ULK4: variants seen among roughly 807,000 people sequenced by gnomAD.
ULK4 encodes inactive serine/threonine-protein kinase ULK4.
In ULK4, 133 loss-of-function variants were observed where a neutral mutation model predicts 160.6. The ratio of observed to expected loss-of-function variants is 0.83; its 90% CI spans 0.72 to 0.96. The LOEUF is 0.96. ULK4 is among the 40% of genes least tolerant of loss of function. ULK4 has a pLI of 0.00. For missense variants in ULK4, 1,580 were observed against 1,499.5 expected, an observed-to-expected ratio of 1.05 and a Z score of -0.89; for synonymous variants, 534 against 539.8, an observed-to-expected ratio of 0.99 and a Z score of 0.15.
intron 25 of ULK4, among the ~76,000 whole-genome samples, chr3:41,712,156 T>A (rs4616614): frequency 6.6e-6 from 1 of 151,984 alleles, no homozygotes; most frequent in African/African-American, 2.4e-5. Context: ...TATTTATGCC[T>A]CCATATATAA....
At chr3:41,385,538 T>C (rs751121695) in intron 35 of ULK4, among the ~76,000 whole-genome samples, 10 of 151,936 alleles carry the variant, frequency 6.6e-5, no homozygotes, top group Admixed American at 2.0e-4. Flanking sequence ...TCTCTAAAAT[T>C]AAAAAGAAAA....
At position 41,884,637 on chromosome 3, in the gene ULK4, G is replaced by A. The variant is rs559212892; in HGVS notation, c.1578-685C>T. On this transcript the variant is annotated intron_variant, in intron 16 of 36. Coordinates refer to ENST00000301831, the MANE Select transcript of ULK4 (RefSeq NM_017886.4). ...CACTCTTATTTAGTGATGTCTGCAT[G>A]TTGTCTAGGATAATCAGTATGTACC... Among the ~76,000 whole-genome samples the A allele has an allele frequency of 2.0e-5, 3 of 152,260 alleles. No individual in the cohort carries two copies. In the South Asian group the frequency reaches 6.2e-4, roughly 32 times the overall value.
At chr3:41,918,665 A>G (rs1044755509) in intron 6 of ULK4, 125 bp from the exon 7 acceptor site, 68 of 485,034 alleles carry the variant, frequency 1.4e-4, no homozygotes, top group South Asian at 8.4e-4. Flanking sequence ...GCAGTGGCGC[A>G]ATCTCGGCTC....
intron 35 of ULK4, among the ~76,000 whole-genome samples, chr3:41,296,287 T>G (rs866088642): frequency 6.6e-6 from 1 of 152,134 alleles, no homozygotes; most frequent in South Asian, 2.1e-4. Context: ...AAATTAAGTT[T>G]CTAATTAAAA....
chr3:41,767,571 A>G (rs59583650), intron 21 of ULK4, among the ~76,000 whole-genome samples: 18,835 of 152,112 alleles, frequency 0.12, 1,346 homozygotes, highest in Middle Eastern at 0.27. Flanking sequence ...TATATTACAA[A>G]TTAATATGTA....
At position 41,645,005 on chromosome 3, in the gene ULK4, T is replaced by C. The variant is rs371720509; in HGVS notation, c.3071+18602A>G. Among the ~76,000 whole-genome samples, 8 of 151,552 alleles carry C rather than the reference T, an allele frequency of 5.3e-5. No homozygotes were observed. In the East Asian group the frequency reaches 1.3e-3, roughly 26 times the overall value. ...TAGAGGTGTTTGTAGTATTCTCTGA[T>C]GGTAGTTTGTATTTCTGTGGGATCG... is the stretch of plus-strand genomic sequence containing the variant. On this transcript the variant is annotated intron_variant, in intron 30 of 36. Coordinates refer to ENST00000301831, the MANE Select transcript of ULK4 (RefSeq NM_017886.4).
intron 19 of ULK4, among the ~76,000 whole-genome samples, chr3:41,801,462 A>T (rs549183240): frequency 6.6e-6 from 1 of 152,230 alleles, no homozygotes; most frequent in African/African-American, 2.4e-5. Flanking sequence ...CAGGTCTCAG[A>T]AGCTCAATGA....
chr3:41,365,585 A>G (rs1016185769), intron 35 of ULK4, among the ~76,000 whole-genome samples: 1 of 152,198 alleles, frequency 6.6e-6, no homozygotes, highest in Non-Finnish European at 1.5e-5. Context: ...TAATCCTCAT[A>G]ACAATTTTAT....
At chr3:41,484,816 A>G (rs1320088334) in intron 32 of ULK4, among the ~76,000 whole-genome samples, 2 of 152,188 alleles carry the variant, frequency 1.3e-5, no homozygotes, top group African/African-American at 4.8e-5. Context: ...ACCACGTGAT[A>G]TCTGAGGTTT....
chr3:41,809,374 G>T (rs1162413119), intron 19 of ULK4, among the ~76,000 whole-genome samples: 2 of 130,710 alleles, frequency 1.5e-5, no homozygotes, highest in African/African-American at 3.9e-5. Flanking sequence ...AATAAAATAT[G>T]TTAAAAAAAA....
intron 18 of ULK4, among the ~76,000 whole-genome samples, chr3:41,823,251 T>C (rs909375172): frequency 1.3e-5 from 2 of 151,898 alleles, no homozygotes; most frequent in Admixed American, 6.6e-5. Context: ...AATGTCAATA[T>C]AGTGAGGCAG....
chr3:41,563,963 C>T (rs1224850853), intron 32 of ULK4, among the ~76,000 whole-genome samples: 2 of 152,162 alleles, frequency 1.3e-5, no homozygotes, highest in Non-Finnish European at 2.9e-5. Flanking sequence ...GAATTTTCAG[C>T]TTTTCTGCTC....
intron 25 of ULK4, among the ~76,000 whole-genome samples, chr3:41,706,980 T>C (rs1312976606): frequency 1.3e-5 from 2 of 149,912 alleles, no homozygotes; most frequent in African/African-American, 2.5e-5. Context: ...AGAAAACCCT[T>C]AAACCCACTA....
At chr3:41,267,188 G>A (rs902039446) in intron 35 of ULK4, among the ~76,000 whole-genome samples, 1 of 151,914 alleles carries the variant, frequency 6.6e-6, no homozygotes, top group African/African-American at 2.4e-5. Context: ...AACAGGCCCT[G>A]GTGTGTGATG....
intron 1 of ULK4, among the ~76,000 whole-genome samples, chr3:41,956,871 G>T (rs1183713385): frequency 3.9e-5 from 6 of 152,192 alleles, no homozygotes; most frequent in Non-Finnish European, 7.3e-5. Context: ...TCTACAGCCT[G>T]CACAAACCCT....
intron 10 of ULK4, 75 bp downstream of exon 10, chr3:41,911,466 G>T: frequency 6.3e-7 from 1 of 1,586,162 alleles, no homozygotes. Flanking sequence ...AAGATTTAAA[G>T]GGACATAACA....
At chr3:41,294,095 T>C (rs1318646879) in intron 35 of ULK4, among the ~76,000 whole-genome samples, 1 of 152,184 alleles carries the variant, frequency 6.6e-6, no homozygotes, top group Non-Finnish European at 1.5e-5. Flanking sequence ...TCCCCCAAAA[T>C]ACGTGTTGGA....
intron 35 of ULK4, among the ~76,000 whole-genome samples, chr3:41,262,175 C>T (rs551269954): frequency 4.9e-4 from 75 of 152,288 alleles, no homozygotes; most frequent in African/African-American, 1.5e-3. Flanking sequence ...GAGCACCAGG[C>T]GAGAGACAGG....
At chr3:41,733,652 C>CT (rs1278318263) in intron 22 of ULK4, among the ~76,000 whole-genome samples, 3 of 149,078 alleles carry the variant, frequency 2.0e-5, no homozygotes, top group Non-Finnish European at 4.4e-5. Flanking sequence ...CCCAAAAAGA[C>CT]TTTTTTAGAC....
Sources: allele counts gnomAD v4.1 joint callset (sites outside exome capture counted in the v4.1 genomes callset), GRCh38; gene constraint gnomAD v4.1.1; transcripts MANE v1.5; gene names NCBI Gene and HGNC (gene_info 2026-07-23, HGNC 2026-07-21).